The following SLC25A21 variants were observed in gnomAD, a reference collection of about 807,000 sequenced individuals.
SLC25A21 encodes the protein solute carrier family 25 member 21, also known as mitochondrial 2-oxodicarboxylate carrier.
Under a neutral mutation model 43.8 loss-of-function variants are expected in SLC25A21, and 47 were observed. That is an observed-to-expected ratio of 1.07 (90% CI 0.85 to 1.37). The LOEUF (loss-of-function observed/expected upper bound fraction) is 1.37. Ranked by LOEUF, SLC25A21 falls within the 40% of genes most tolerant of loss-of-function variation. The pLI, the probability that SLC25A21 is intolerant of heterozygous loss-of-function variation, is 0.00. For synonymous variants in SLC25A21, 131 were observed against 121.3 expected (o/e 1.08, Z -0.52); for missense variants, 352 against 350.2 (o/e 1.00, Z -0.04).
At chr14:36,978,466 G>A (rs1284685742) in intron 1 of SLC25A21, among the ~76,000 whole-genome samples, 1 of 152,106 alleles carries the variant, frequency 6.6e-6, no homozygotes, top group Non-Finnish European at 1.5e-5. Context: ...TAGGAAAATG[G>A]CACTGATAGA....
intron 6 of SLC25A21, among the ~76,000 whole-genome samples, chr14:36,713,102 A>G (rs1306730484): frequency 6.6e-6 from 1 of 152,140 alleles, no homozygotes; most frequent in Non-Finnish European, 1.5e-5. Context: ...CACCCAACCT[A>G]AACCTTTTCT....
At chr14:37,136,467 T>C (rs1462422061) in intron 1 of SLC25A21, among the ~76,000 whole-genome samples, 3 of 152,216 alleles carry the variant, frequency 2.0e-5, no homozygotes, top group East Asian at 1.9e-4. Context: ...TATTCCTACA[T>C]GCCAGAGATG....
chr14:36,835,151 G>A (rs181223165), intron 2 of SLC25A21, among the ~76,000 whole-genome samples: 6 of 152,286 alleles, frequency 3.9e-5, no homozygotes, highest in Admixed American at 2.6e-4. Flanking sequence ...AAGTCTTTGA[G>A]GATTAATTTC....
At chr14:36,978,861 C>T (rs1158047587) in intron 1 of SLC25A21, among the ~76,000 whole-genome samples, 5 of 152,078 alleles carry the variant, frequency 3.3e-5, no homozygotes, top group East Asian at 1.9e-4. Flanking sequence ...AATATCAACC[C>T]GCTGTTCTAA....
chr14:36,920,387 T>C, intron 1 of SLC25A21, among the ~76,000 whole-genome samples: 1 of 152,126 alleles, frequency 6.6e-6, no homozygotes, highest in South Asian at 2.1e-4. Context: ...TGTTTACTTT[T>C]ACATCATTTT....
At chr14:37,025,720 G>A (rs1961078608) in intron 1 of SLC25A21, among the ~76,000 whole-genome samples, 1 of 152,070 alleles carries the variant, frequency 6.6e-6, no homozygotes, top group Non-Finnish European at 1.5e-5. Flanking sequence ...GTTATCAAAT[G>A]TCAATCATTT....
chr14:36,679,743 G>C lies in SLC25A21; in HGVS notation c.*915C>G, dbSNP rs1882115359. On this transcript the variant is annotated 3_prime_UTR_variant, in exon 10 of 10. Transcript: ENST00000331299. Reference sequence around the variant, plus strand: ...TACATTCTTCCTAAAAATGGCACAGGTAGGCATGCTGAATAAAGGTATTTG... The same window carrying C: ...TACATTCTTCCTAAAAATGGCACAGCTAGGCATGCTGAATAAAGGTATTTG... The C allele has an allele frequency of 1.0e-6, 1 of 985,280 alleles. No homozygotes were observed. Among genetic ancestry groups the C allele is most frequent in the African/African-American group, 1.7e-5 (1 of 57,236 alleles). The allele number at this position is 985,280 out of a possible 1,614,324, so 61.0% of individuals were successfully genotyped here.
chr14:36,774,583 T>G (rs1326467656), intron 3 of SLC25A21, among the ~76,000 whole-genome samples: 1 of 152,130 alleles, frequency 6.6e-6, no homozygotes, highest in East Asian at 1.9e-4. Context: ...AGAGACTTTT[T>G]TTTTTTAAGA....
chr14:36,695,645 T>G (rs1379029193), intron 7 of SLC25A21, among the ~76,000 whole-genome samples: 4 of 152,198 alleles, frequency 2.6e-5, no homozygotes, highest in African/African-American at 4.8e-5. Flanking sequence ...TAAGTTTGAT[T>G]CCTAGGTATT....
intron 7 of SLC25A21, among the ~76,000 whole-genome samples, chr14:36,690,274 C>T (rs1338257735): frequency 3.3e-5 from 5 of 152,128 alleles, no homozygotes; most frequent in South Asian, 2.1e-4. Context: ...AGTAATAATG[C>T]TATTATTAAT....
intron 3 of SLC25A21, among the ~76,000 whole-genome samples, chr14:36,757,297 A>C (rs1360761213): frequency 6.6e-6 from 1 of 152,152 alleles, no homozygotes. Flanking sequence ...ATTACAAAAA[A>C]GTACCCAAAT....
intron 1 of SLC25A21, among the ~76,000 whole-genome samples, chr14:36,881,029 A>G (rs1368415900): frequency 6.6e-6 from 1 of 152,216 alleles, no homozygotes; most frequent in Non-Finnish European, 1.5e-5. Flanking sequence ...GACATTGAGC[A>G]GAAAATAGCA....
chr14:36,954,123 TATTA>T (rs896824422), intron 1 of SLC25A21, among the ~76,000 whole-genome samples: 5 of 152,196 alleles, frequency 3.3e-5, no homozygotes, highest in African/African-American at 1.2e-4. Flanking sequence ...CTCTCATTTT[TATTA>T]ATTATCATAG....
At chr14:37,150,182 G>A (rs2138932886) in intron 1 of SLC25A21, among the ~76,000 whole-genome samples, 1 of 152,182 alleles carries the variant, frequency 6.6e-6, no homozygotes, top group East Asian at 1.9e-4. Context: ...CCTGTTTAGA[G>A]ATGTTTATAA....
intron 1 of SLC25A21, among the ~76,000 whole-genome samples, chr14:37,039,591 T>C (rs755982310): frequency 6.6e-6 from 1 of 152,236 alleles, no homozygotes; most frequent in Non-Finnish European, 1.5e-5. Flanking sequence ...GTATCACTAC[T>C]GCATTTGTTT....
chr14:37,154,454 G>A lies in SLC25A21; in HGVS notation c.70+17827C>T, dbSNP rs545348840. 2.9e-4 allele frequency among the ~76,000 whole-genome samples: 36 copies of A among 125,160 alleles called. No individual in the cohort carries two copies. In the South Asian group the frequency reaches 5.9e-3, roughly 20 times the overall value. The allele number at this position is 125,160 out of a possible 152,430, so 82.1% of individuals were successfully genotyped here. A position where few individuals can be genotyped will look rare whatever the true frequency, so the allele number is the denominator to read the frequency against. On this transcript the variant is annotated intron_variant, in intron 1 of 9. Transcript: ENST00000331299. Reference sequence around the variant, plus strand: ...TGCAGATATAAACATAAAGACACAGGAAACATAAAAAAAAATCAATGAAAT... The same window carrying A: ...TGCAGATATAAACATAAAGACACAGAAAACATAAAAAAAAATCAATGAAAT...
intron 3 of SLC25A21, among the ~76,000 whole-genome samples, chr14:36,794,299 G>A (rs1433933418): frequency 1.3e-5 from 2 of 149,110 alleles, no homozygotes; most frequent in African/African-American, 5.0e-5. Context: ...TCAAAAGAAG[G>A]GGAAAAATTA....
chr14:37,132,712 T>C (rs553270783), intron 1 of SLC25A21, among the ~76,000 whole-genome samples: 3 of 151,538 alleles, frequency 2.0e-5, no homozygotes, highest in Admixed American at 6.6e-5. Context: ...CTTTTCTACC[T>C]TTCTGGCTTC....
chr14:36,843,412 G>A (rs1368687994), intron 2 of SLC25A21, among the ~76,000 whole-genome samples: 1 of 152,198 alleles, frequency 6.6e-6, no homozygotes, highest in Non-Finnish European at 1.5e-5. Flanking sequence ...GCTAGTCAGT[G>A]TATTCACTTC....
Sources: gnomAD v4.1 joint callset for allele counts (sites outside exome capture counted in the v4.1 genomes callset) on GRCh38, gnomAD v4.1.1 for gene constraint, MANE v1.5 for transcripts, NCBI Gene and HGNC (gene_info 2026-07-23, HGNC 2026-07-21) for gene names.